The following CLVS1 variants were observed in gnomAD, a reference collection of about 807,000 sequenced individuals.
CLVS1 encodes the protein clavesin 1, also known as clavesin-1.
In CLVS1, 10 loss-of-function variants were observed where a neutral mutation model predicts 33.1. The ratio of observed to expected loss-of-function variants is 0.30; its 90% CI spans 0.19 to 0.51. The LOEUF (loss-of-function observed/expected upper bound fraction) is 0.51, where lower values mean the gene tolerates loss of function less well. CLVS1 is among the 20% of genes least tolerant of loss of function. The pLI is 0.97. For synonymous variants in CLVS1, 163 were observed against 166.1 expected, an observed-to-expected ratio of 0.98 and a Z score of 0.14; for missense variants, 343 against 433.4, an observed-to-expected ratio of 0.79 and a Z score of 1.85.
chr8:61,229,249 C>T (rs1379773275), intron 2 of CLVS1, among the ~76,000 whole-genome samples: 1 of 152,184 alleles, frequency 6.6e-6, no homozygotes, highest in Non-Finnish European at 1.5e-5. Flanking sequence ...TTATTGAGTA[C>T]CTCTTCTATG....
intron 2 of CLVS1, among the ~76,000 whole-genome samples, chr8:61,320,720 C>A (rs893939003): frequency 6.6e-5 from 10 of 152,144 alleles, no homozygotes; most frequent in Non-Finnish European, 1.3e-4. Context: ...TTCTCTAGGG[C>A]CTCTTTTATA....
chr8:61,467,042 A>G (rs939952643), intron 5 of CLVS1, among the ~76,000 whole-genome samples: 14 of 152,228 alleles, frequency 9.2e-5, no homozygotes, highest in African/African-American at 2.9e-4. Context: ...GAGGTCTTCA[A>G]ATATATGTAT....
intron 2 of CLVS1, among the ~76,000 whole-genome samples, chr8:61,362,123 G>A (rs1360328492): frequency 6.6e-6 from 1 of 152,188 alleles, no homozygotes; most frequent in Non-Finnish European, 1.5e-5. Context: ...CACGGGCCAA[G>A]CATGAGGCCT....
At chr8:61,045,046 A>G in the CLVS1 span, among the ~76,000 whole-genome samples, 1 of 152,214 alleles carries the variant, frequency 6.6e-6, no homozygotes, top group Non-Finnish European at 1.5e-5. Context: ...GGCATGATCA[A>G]TGGGCTCATG....
chr8:61,183,197 G>T (rs1047566208), intron 2 of CLVS1, among the ~76,000 whole-genome samples: 17 of 152,024 alleles, frequency 1.1e-4, no homozygotes, highest in African/African-American at 4.1e-4. Flanking sequence ...AGGACAAATA[G>T]CTAATGCATG....
intron 3 of CLVS1, among the ~76,000 whole-genome samples, chr8:61,405,463 C>T (rs55813661): frequency 0.032 from 4,884 of 152,140 alleles, 133 homozygotes; most frequent in African/African-American, 0.072. Context: ...CCCATTTCTT[C>T]GACAGAATAT....
chr8:61,306,210 G>T (rs1321713487), intron 2 of CLVS1, among the ~76,000 whole-genome samples: 1 of 151,970 alleles, frequency 6.6e-6, no homozygotes, highest in African/African-American at 2.4e-5. Context: ...GTTATTTTTT[G>T]ACTTTAATAA....
At chr8:61,171,290 CA>C (rs1386354600) in intron 2 of CLVS1, among the ~76,000 whole-genome samples, 1 of 152,014 alleles carries the variant, frequency 6.6e-6, no homozygotes, top group Non-Finnish European at 1.5e-5. Flanking sequence ...ATCAGCAGGT[CA>C]ATACTGGAGA....
At chr8:60,989,146 C>T in the CLVS1 span, among the ~76,000 whole-genome samples, 1,930 of 152,194 alleles carry the variant, frequency 0.013, 22 homozygotes, top group Non-Finnish European at 0.02. Flanking sequence ...GGATTACAGG[C>T]GTGAGCCACT....
At chr8:61,036,904 G>A in the CLVS1 span, among the ~76,000 whole-genome samples, 1 of 152,134 alleles carries the variant, frequency 6.6e-6, no homozygotes, top group African/African-American at 2.4e-5. Flanking sequence ...CCATCCATTC[G>A]AGGAGTATTT....
At chr8:61,264,214 A>C (rs1809260533) in intron 2 of CLVS1, among the ~76,000 whole-genome samples, 1 of 151,938 alleles carries the variant, frequency 6.6e-6, no homozygotes, top group Non-Finnish European at 1.5e-5. Context: ...GGGTGATCTC[A>C]TTCAATCCCA....
At chr8:61,396,983 C>T (rs868803420) in intron 3 of CLVS1, among the ~76,000 whole-genome samples, 32 of 152,100 alleles carry the variant, frequency 2.1e-4, no homozygotes, top group African/African-American at 6.5e-4. Flanking sequence ...CATGAATAAT[C>T]CTGCTATGTA....
intron 2 of CLVS1, among the ~76,000 whole-genome samples, chr8:61,238,039 C>T (rs1229120484): frequency 1.3e-5 from 2 of 152,108 alleles, no homozygotes; most frequent in African/African-American, 4.8e-5. Flanking sequence ...CTGATTTGGT[C>T]TAAGAAGGCC....
chr8:61,391,272 G>A (rs1221086117), intron 3 of CLVS1: 1 of 152,196 alleles, frequency 6.6e-6, no homozygotes, highest in Non-Finnish European at 1.5e-5. Flanking sequence ...GGAAAGATGA[G>A]ACTTACTTCA....
chr8:61,478,194 A>C (rs1194118208), intron 5 of CLVS1, among the ~76,000 whole-genome samples: 1 of 152,114 alleles, frequency 6.6e-6, no homozygotes, highest in Non-Finnish European at 1.5e-5. Context: ...GTTTGTTATA[A>C]TTTCTGTTCT....
intron 1 of CLVS1, among the ~76,000 whole-genome samples, chr8:61,083,346 C>T (rs1214768622): frequency 6.6e-6 from 1 of 152,056 alleles, no homozygotes; most frequent in Non-Finnish European, 1.5e-5. Flanking sequence ...TGGTGCCTTG[C>T]CAGGGACCTA....
At chr8:61,229,511 T>A (rs1017611400) in intron 2 of CLVS1, among the ~76,000 whole-genome samples, 1 of 152,200 alleles carries the variant, frequency 6.6e-6, no homozygotes, top group African/African-American at 2.4e-5. Flanking sequence ...ACTGTGAGTC[T>A]GAAACAAAAG....
intron 1 of CLVS1, among the ~76,000 whole-genome samples, chr8:61,100,378 C>T (rs1805426498): frequency 1.3e-5 from 2 of 152,096 alleles, no homozygotes; most frequent in South Asian, 2.1e-4. Context: ...TAAGTCCCAG[C>T]ACTAGAAATT....
chr8:61,263,527 G>C (rs1030392951), intron 2 of CLVS1, among the ~76,000 whole-genome samples: 1 of 152,152 alleles, frequency 6.6e-6, no homozygotes, highest in Admixed American at 6.5e-5. Context: ...TATAATCCAT[G>C]ATGTACTGAG....
Sources: allele counts gnomAD v4.1 joint callset (sites outside exome capture counted in the v4.1 genomes callset), GRCh38; gene constraint gnomAD v4.1.1; transcripts MANE v1.5; gene names NCBI Gene and HGNC (gene_info 2026-07-23, HGNC 2026-07-21).